The following ACTR10 variants were observed in gnomAD, a reference collection of about 807,000 sequenced individuals.
ACTR10 encodes actin-related protein 10.
In ACTR10, 43 loss-of-function variants were observed where a neutral mutation model predicts 56.2. The ratio of observed to expected loss-of-function variants is 0.77; its 90% CI spans 0.60 to 0.99. The LOEUF (loss-of-function observed/expected upper bound fraction) is 0.99. ACTR10 is among the 50% of genes least tolerant of loss of function. The pLI is 0.00. For synonymous variants in ACTR10, 170 were observed against 176.3 expected (o/e 0.96, Z 0.28); for missense variants, 466 against 507.8 (o/e 0.92, Z 0.79).
intron 3 of ACTR10, 140 bp downstream of exon 3, chr14:58,208,158 C>G: frequency 3.0e-6 from 2 of 663,218 alleles, no homozygotes; most frequent in South Asian, 2.5e-5. Context: ...TATTTTCAAC[C>G]TTTTCAAAAA....
chr14:58,217,217 T>C (rs1889152605), intron 7 of ACTR10, among the ~76,000 whole-genome samples: 1 of 152,224 alleles, frequency 6.6e-6, no homozygotes, highest in Non-Finnish European at 1.5e-5. Flanking sequence ...TTATAAACGA[T>C]ACATTCTTGG....
chr14:58,219,498 G>A, intron 7 of ACTR10, 196 bp from the exon 8 acceptor site: 1 of 398,904 alleles, frequency 2.5e-6, no homozygotes, highest in Non-Finnish European at 4.5e-6. Flanking sequence ...CAATTTCCAT[G>A]GTTTGTCTTG....
At chr14:58,232,754 C>G (rs1266030076) in intron 12 of ACTR10, among the ~76,000 whole-genome samples, 1 of 151,840 alleles carries the variant, frequency 6.6e-6, no homozygotes, top group African/African-American at 2.4e-5. Flanking sequence ...AATTTTATAC[C>G]TATTTCTCTT....
chr14:58,227,179 T>A (rs2140061424), intron 10 of ACTR10, among the ~76,000 whole-genome samples: 1 of 145,424 alleles, frequency 6.9e-6, no homozygotes, highest in South Asian at 2.2e-4. Context: ...TTTTTTTTTT[T>A]TTCTTTTTAT....
intron 11 of ACTR10, 146 bp from the exon 12 acceptor site, chr14:58,231,920 T>C (rs2140065557): frequency 2.5e-6 from 1 of 397,074 alleles, no homozygotes; most frequent in East Asian, 4.6e-5. Flanking sequence ...GTGGCCCTTT[T>C]TGCGATACAA....
intron 5 of ACTR10, chr14:58,213,397 C>T (rs1889048686): frequency 2.9e-6 from 1 of 343,574 alleles, no homozygotes; most frequent in African/African-American, 2.1e-5. Flanking sequence ...GATGCCCCAG[C>T]TGTATCTAAT....
intron 8 of ACTR10, among the ~76,000 whole-genome samples, chr14:58,222,585 C>T (rs1420882923): frequency 1.3e-5 from 2 of 151,872 alleles, no homozygotes; most frequent in African/African-American, 4.8e-5. Flanking sequence ...ACCAATATGG[C>T]GAAACCCTGT....
chr14:58,233,392 G>C (rs1889592273), intron 12 of ACTR10, among the ~76,000 whole-genome samples: 1 of 151,898 alleles, frequency 6.6e-6, no homozygotes, highest in Admixed American at 6.6e-5. Flanking sequence ...TGTTTTTTAG[G>C]AAATATGCTA....
In ACTR10 at chr14:58,234,375, AT is replaced by A; in HGVS notation, c.1083del (p.Phe361LeufsTer37). The A allele has an allele frequency of 6.4e-7, 1 of 1,554,380 alleles. No individual in the cohort carries two copies. The highest frequency in any genetic ancestry group is 8.7e-7 in the Non-Finnish European group (1 of 1,147,976). ...AAAATATTTTTGTCACACAGGGGCTATTTTTGGAGCATTACAAGATATACTT... is the reference window on the plus strand; with the variant it reads ...AAAATATTTTTGTCACACAGGGGCTATTTTGGAGCATTACAAGATATACTT... ...ANCVAWLGGA[I>X]FGALQDILGS... is the part of the protein sequence containing the mutation. On this transcript the variant is annotated frameshift_variant, in exon 13 of 13. Coordinates refer to ENST00000254286, the MANE Select transcript of ACTR10 (RefSeq NM_018477.3). LOFTEE classifies it high-confidence loss of function.
intron 4 of ACTR10, among the ~76,000 whole-genome samples, chr14:58,209,657 C>T (rs1220230832): frequency 6.6e-6 from 1 of 151,910 alleles, no homozygotes; most frequent in Non-Finnish European, 1.5e-5. Flanking sequence ...GTAATATTAC[C>T]TGTAGCTTTG....
rs1889628806 is a variant in ACTR10, at chr14:58,234,545, GA to G, written c.1251del (p.Lys417AsnfsTer16). The G allele has an allele frequency of 5.0e-6, 8 of 1,601,910 alleles. No individual in the cohort carries two copies. In the East Asian group the frequency reaches 1.8e-4, roughly 36 times the overall value. On this transcript the variant is annotated frameshift_variant, in exon 13 of 13. Transcript: ENST00000254286. LOFTEE classifies it high-confidence loss of function. ...TGATGAAGAGAGCATTTTCCACTGA[GA>G]AATAGAAGTTTGATTAAAAATCAAC... ...PLMKRAFSTE[K>X] is the part of the protein sequence containing the mutation.
At chr14:58,200,726 ATGT>A (rs1356037629) in intron 1 of ACTR10, among the ~76,000 whole-genome samples, 1 of 152,224 alleles carries the variant, frequency 6.6e-6, no homozygotes, top group Non-Finnish European at 1.5e-5. Flanking sequence ...AAATGGAAAG[ATGT>A]TTAAGACAGG....
At chr14:58,228,443 A>T (rs1889452028) in intron 10 of ACTR10, among the ~76,000 whole-genome samples, 1 of 151,760 alleles carries the variant, frequency 6.6e-6, no homozygotes, top group Non-Finnish European at 1.5e-5. Flanking sequence ...ACATGGCAAA[A>T]CCCCGTCTCT....
chr14:58,230,336 T>C (rs1889499272), intron 10 of ACTR10, 63 bp from the exon 11 acceptor site: 2 of 838,518 alleles, frequency 2.4e-6, no homozygotes, highest in Non-Finnish European at 3.8e-6. Flanking sequence ...AATAATGGTG[T>C]ATTCTGTGTA....
intron 7 of ACTR10, 53 bp from the exon 8 acceptor site, chr14:58,219,641 G>T: frequency 8.6e-7 from 1 of 1,168,272 alleles, no homozygotes; most frequent in South Asian, 1.7e-5. Context: ...CAATTTAATA[G>T]ACTGTTTTTA....
At chr14:58,232,792 C>T (rs758114935) in intron 12 of ACTR10, among the ~76,000 whole-genome samples, 2 of 151,650 alleles carry the variant, frequency 1.3e-5, no homozygotes, top group African/African-American at 2.4e-5. Context: ...ATTAAGTAAA[C>T]GTTCTCATTT....
At chr14:58,217,329 C>A (rs1310693580) in intron 7 of ACTR10, among the ~76,000 whole-genome samples, 1 of 152,116 alleles carries the variant, frequency 6.6e-6, no homozygotes, top group African/African-American at 2.4e-5. Context: ...ATTGTGGAAT[C>A]AAATCATACA....
intron 2 of ACTR10, among the ~76,000 whole-genome samples, chr14:58,206,002 A>G (rs1888851848): frequency 6.6e-6 from 1 of 151,934 alleles, no homozygotes; most frequent in Non-Finnish European, 1.5e-5. Flanking sequence ...AGCCTGGGCA[A>G]CAGAGGGAGA....
At chr14:58,203,062 G>GT (rs1382913971) in intron 2 of ACTR10, 135 bp downstream of exon 2, 3 of 540,978 alleles carry the variant, frequency 5.5e-6, no homozygotes, top group Non-Finnish European at 9.4e-6. Flanking sequence ...AACACTTTGG[G>GT]TGGCTGAGGC....
Sources: gnomAD v4.1 joint callset for allele counts (sites outside exome capture counted in the v4.1 genomes callset) on GRCh38, gnomAD v4.1.1 for gene constraint, MANE v1.5 for transcripts, NCBI Gene and HGNC (gene_info 2026-07-23, HGNC 2026-07-21) for gene names.